Variants in NLGN1 observed in about 807,000 individuals in gnomAD.
NLGN1 encodes neuroligin 1, also known as neuroligin-1.
A neutral mutation model predicts 65.5 loss-of-function variants in NLGN1; 12 were observed. That is an observed-to-expected ratio of 0.18 (90% CI 0.12 to 0.30). NLGN1 has a LOEUF of 0.30. Among genes scored for constraint, NLGN1 ranks in the 10% least tolerant of loss-of-function variants. The pLI is 1.00. For missense variants in NLGN1, 750 were observed against 1,007.1 expected (o/e 0.74, Z 3.46); for synonymous variants, 350 against 359.5 (o/e 0.97, Z 0.30).
At chr3:173,496,822 CTTA>C (rs1730101594) in intron 2 of NLGN1, among the ~76,000 whole-genome samples, 1 of 151,724 alleles carries the variant, frequency 6.6e-6, no homozygotes, top group African/African-American at 2.4e-5. Flanking sequence ...AAATAGAGAT[CTTA>C]TTATTAATAT....
At chr3:173,804,841 A>G (rs777659269) in intron 3 of NLGN1, among the ~76,000 whole-genome samples, 63 of 152,098 alleles carry the variant, frequency 4.1e-4, no homozygotes, top group Non-Finnish European at 5.0e-4. Flanking sequence ...AGTCTGGCCA[A>G]CATAGTGAAA....
chr3:173,495,732 C>A (rs1284199553), intron 2 of NLGN1, among the ~76,000 whole-genome samples: 5 of 140,096 alleles, frequency 3.6e-5, no homozygotes, highest in African/African-American at 1.3e-4. Flanking sequence ...CAGCAAAATA[C>A]ACCATCTTAA....
intron 3 of NLGN1, among the ~76,000 whole-genome samples, chr3:173,649,444 C>A (rs575631219): frequency 1.3e-5 from 2 of 152,042 alleles, no homozygotes; most frequent in Non-Finnish European, 1.5e-5. Flanking sequence ...CAAAACATAT[C>A]AAATTACATA....
At position 174,280,413 on chromosome 3, in the gene NLGN1, TA is replaced by T; in HGVS notation, c.1650-65del. 9.4e-7 allele frequency: 1 copy of T among 1,063,166 alleles called. No homozygotes were observed. Among genetic ancestry groups the T allele is most frequent in the Non-Finnish European group, 1.4e-6 (1 of 733,130 alleles). 65.9% of individuals were successfully genotyped at this position (1,063,166 alleles called of 1,614,324 possible). On this transcript the variant is annotated intron_variant, in intron 6 of 6. Coordinates refer to ENST00000457714, the Ensembl canonical transcript of NLGN1. This position sits in a 1 kb window ranked among gnomAD's most constrained non-coding sequence, Gnocchi z 4.9. Reference sequence around the variant, plus strand: ...AGTCATCTATTTAATTATTAGATGTTAAAGTAGTGTGATTTTAAGTAAAAAA... The same window carrying T: ...AGTCATCTATTTAATTATTAGATGTTAAGTAGTGTGATTTTAAGTAAAAAA...
At chr3:173,848,261 A>G (rs1726203752) in intron 4 of NLGN1, among the ~76,000 whole-genome samples, 1 of 152,212 alleles carries the variant, frequency 6.6e-6, no homozygotes, top group South Asian at 2.1e-4. Context: ...AATAGTAGCC[A>G]TTAACAACCC....
chr3:174,139,830 T>C (rs1721975108), intron 4 of NLGN1, among the ~76,000 whole-genome samples: 1 of 152,216 alleles, frequency 6.6e-6, no homozygotes, highest in South Asian at 2.1e-4. Context: ...AAATACCTTA[T>C]TGTGGTTTTA....
chr3:173,664,445 A>T (rs1577827872), intron 3 of NLGN1, among the ~76,000 whole-genome samples: 1 of 152,158 alleles, frequency 6.6e-6, no homozygotes, highest in African/African-American at 2.4e-5. Context: ...GTGCATGAAG[A>T]TACTTCTAGA....
chr3:173,916,761 A>G (rs974684303), intron 4 of NLGN1, among the ~76,000 whole-genome samples: 2 of 152,180 alleles, frequency 1.3e-5, no homozygotes, highest in African/African-American at 4.8e-5. Context: ...GTTTATCCAT[A>G]AAGATACCCT....
intron 4 of NLGN1, among the ~76,000 whole-genome samples, chr3:174,011,997 G>A (rs1362998191): frequency 6.6e-6 from 1 of 152,140 alleles, no homozygotes; most frequent in East Asian, 1.9e-4. Flanking sequence ...TTTGATAGAT[G>A]AAAGACCACA....
intron 3 of NLGN1, among the ~76,000 whole-genome samples, chr3:173,610,482 G>A (rs1307625293): frequency 1.3e-5 from 2 of 151,936 alleles, no homozygotes; most frequent in Non-Finnish European, 2.9e-5. Context: ...AATATAGAAG[G>A]TAAAGATTTC....
At chr3:173,488,868 C>T (rs1228423010) in intron 2 of NLGN1, among the ~76,000 whole-genome samples, 4 of 150,976 alleles carry the variant, frequency 2.6e-5, no homozygotes, top group African/African-American at 9.7e-5. Flanking sequence ...CATTTTTCTC[C>T]TCTGAAACTT....
chr3:174,027,976 C>G (rs1729185730), intron 4 of NLGN1, among the ~76,000 whole-genome samples: 2 of 152,088 alleles, frequency 1.3e-5, no homozygotes, highest in Admixed American at 1.3e-4. Flanking sequence ...GTGAATAAGT[C>G]TGATGAGATC....
At chr3:174,108,928 G>A (rs1362402019) in intron 4 of NLGN1, among the ~76,000 whole-genome samples, 1 of 151,904 alleles carries the variant, frequency 6.6e-6, no homozygotes, top group East Asian at 1.9e-4. Context: ...CTCTCTATGT[G>A]TGTGTGTATG....
intron 3 of NLGN1, among the ~76,000 whole-genome samples, chr3:173,620,672 T>G (rs2149501075): frequency 6.6e-6 from 1 of 152,254 alleles, no homozygotes; most frequent in East Asian, 1.9e-4. Context: ...TATATGAATT[T>G]ATTTTATTGA....
intron 3 of NLGN1, among the ~76,000 whole-genome samples, chr3:173,694,084 CAAAG>C (rs914271481): frequency 7.2e-5 from 11 of 151,978 alleles, no homozygotes; most frequent in African/African-American, 2.2e-4. Context: ...AAAGTATCAA[CAAAG>C]AGAGAGCAAT....
At chr3:173,918,692 GTGTGTGTGTGTATA>G (rs1426256916) in intron 4 of NLGN1, among the ~76,000 whole-genome samples, 1 of 137,670 alleles carries the variant, frequency 7.3e-6, no homozygotes, top group African/African-American at 2.8e-5. Context: ...GTGTGTGTGT[GTGTGTGTGTGTATA>G]TATATATATT....
intron 3 of NLGN1, among the ~76,000 whole-genome samples, chr3:173,660,077 A>G (rs1419326686): frequency 1.4e-5 from 2 of 145,992 alleles, no homozygotes; most frequent in Non-Finnish European, 3.0e-5. Flanking sequence ...AATGTGGTAC[A>G]TGTTCTAGTA....
At chr3:173,908,227 C>T (rs1047770013) in intron 4 of NLGN1, among the ~76,000 whole-genome samples, 2 of 152,136 alleles carry the variant, frequency 1.3e-5, no homozygotes, top group Admixed American at 6.5e-5. Flanking sequence ...AAACATCACA[C>T]GTATCTAGTG....
chr3:174,062,308 C>A (rs1737592012), intron 4 of NLGN1, among the ~76,000 whole-genome samples: 1 of 152,034 alleles, frequency 6.6e-6, no homozygotes, highest in African/African-American at 2.4e-5. Flanking sequence ...GGTATTAAGG[C>A]ACATAATCTA....
Sources: allele counts gnomAD v4.1 joint callset (sites outside exome capture counted in the v4.1 genomes callset), GRCh38; gene constraint gnomAD v4.1.1; non-coding constraint Gnocchi (gnomAD v3.1); transcripts MANE v1.5; gene names NCBI Gene and HGNC (gene_info 2026-07-23, HGNC 2026-07-21).